The following WDR17 variants were observed in gnomAD, a reference collection of about 807,000 sequenced individuals.
WDR17 encodes WD repeat-containing protein 17.
WDR17 carries 143 observed loss-of-function variants against 161.7 expected under a neutral mutation model. The observed-to-expected ratio is 0.88, with a 90% CI of 0.77 to 1.02. The LOEUF (loss-of-function observed/expected upper bound fraction) is 1.02, where lower values mean the gene tolerates loss of function less well. Among genes scored for constraint, WDR17 ranks in the 50% least tolerant of loss-of-function variants. The pLI is 0.00. For missense variants in WDR17, 1,469 were observed against 1,520.9 expected, an observed-to-expected ratio of 0.97 and a Z score of 0.57; for synonymous variants, 517 against 515.6, an observed-to-expected ratio of 1.00 and a Z score of -0.04.
At chr4:176,170,086 G>A (rs1579256562) in intron 23 of WDR17, among the ~76,000 whole-genome samples, 1 of 152,052 alleles carries the variant, frequency 6.6e-6, no homozygotes, top group South Asian at 2.1e-4. Context: ...AGGCTAAATG[G>A]CTTGTCTAAG....
rs142357072 is a variant in WDR17, at chr4:176,158,648, G to A, written c.2526-1346G>A. Reference sequence around the variant, plus strand: ...CACATGGAGGTTATTGTTGATCTTAGTAAGAGCTGTTTTGGTAGAAAGAAG... The same window carrying A: ...CACATGGAGGTTATTGTTGATCTTAATAAGAGCTGTTTTGGTAGAAAGAAG... On this transcript the variant is annotated intron_variant, in intron 18 of 28. Coordinates refer to ENST00000508596, the MANE Select transcript of WDR17 (RefSeq NM_181265.4). Among the ~76,000 whole-genome samples, 602 of 152,286 alleles carry A rather than the reference G, an allele frequency of 4.0e-3. 4 individuals carry two copies. The highest frequency in any genetic ancestry group is 0.014 in the African/African-American group (570 of 41,570).
rs1356677451 is a variant in WDR17, at chr4:176,182,182, C to G, written c.*2603C>G. ...AAATTACTTTGCAGGTTTAAATATG[C>G]CTCTGTAAAGGAAGAGTCTCATTAG... On this transcript the variant is annotated 3_prime_UTR_variant, in exon 29 of 29. Transcript: ENST00000508596. This position sits in a 1 kb window ranked among gnomAD's most constrained non-coding sequence, Gnocchi z 4.2. 1 of 151,772 alleles carries G rather than the reference C, an allele frequency of 6.6e-6. No individual in the cohort carries two copies. Among genetic ancestry groups the G allele is most frequent in the East Asian group, 1.9e-4 (1 of 5,196 alleles). 9.4% of individuals were successfully genotyped at this position (151,772 alleles called of 1,614,324 possible).
chr4:176,150,385 T>C, intron 15 of WDR17, 83 bp from the exon 16 acceptor site: 1 of 1,513,552 alleles, frequency 6.6e-7, no homozygotes, highest in African/African-American at 1.4e-5. Flanking sequence ...TAGATATGCC[T>C]GCATTATAAT....
In WDR17 at chr4:176,156,161, C is replaced by T. The variant is rs182962335; in HGVS notation, c.2525+18C>T. 2.4e-5 allele frequency: 39 copies of T among 1,605,160 alleles called. No homozygotes were observed. Among genetic ancestry groups the T allele is most frequent in the Admixed American group, 2.4e-4 (14 of 58,638 alleles). On this transcript the variant is annotated intron_variant, in intron 18 of 28. Coordinates refer to ENST00000508596, the MANE Select transcript of WDR17 (RefSeq NM_181265.4). ...ATGCAGAGGTAAGGCAGAGAGAGTCCGTGTTAAAACAGATGTTTTAAAATC... is the reference window on the plus strand; with the variant it reads ...ATGCAGAGGTAAGGCAGAGAGAGTCTGTGTTAAAACAGATGTTTTAAAATC...
At chr4:176,124,616 A>T (rs954820204) in intron 4 of WDR17, among the ~76,000 whole-genome samples, 7 of 152,202 alleles carry the variant, frequency 4.6e-5, no homozygotes, top group Non-Finnish European at 8.8e-5. Flanking sequence ...AAACCACAAG[A>T]CTGAGGCACA....
chr4:176,172,738 T>C (rs1750912749), intron 24 of WDR17, among the ~76,000 whole-genome samples: 2 of 152,248 alleles, frequency 1.3e-5, no homozygotes, highest in Non-Finnish European at 1.5e-5. Context: ...CAGGAAACTT[T>C]TAGTCATGGC....
rs772564296 is a variant in WDR17, at chr4:176,139,986, G to A, written c.1442+12G>A. 4.4e-6 allele frequency: 7 copies of A among 1,587,568 alleles called. No individual in the cohort carries two copies. Among genetic ancestry groups the A allele is most frequent in the Non-Finnish European group, 5.2e-6 (6 of 1,161,124 alleles). On this transcript the variant is annotated intron_variant, in intron 10 of 28. Transcript: ENST00000508596. ...AGTGATGGTTTCTGGTAAGTACTAT[G>A]TATGATACATGATATGAAATTACAC...
At chr4:176,103,346 CAG>C (rs1317919140) in intron 1 of WDR17, among the ~76,000 whole-genome samples, 3 of 151,850 alleles carry the variant, frequency 2.0e-5, no homozygotes, top group Non-Finnish European at 1.5e-5. Flanking sequence ...CTCTGATTTC[CAG>C]AGTTACCATA....
intron 4 of WDR17, among the ~76,000 whole-genome samples, chr4:176,123,613 A>C (rs1741947237): frequency 6.6e-6 from 1 of 152,180 alleles, no homozygotes; most frequent in Non-Finnish European, 1.5e-5. Context: ...CAAGGATACA[A>C]ATGAAAAGAT....
At chr4:176,165,168 C>CA (rs199827209) in intron 22 of WDR17, among the ~76,000 whole-genome samples, 43,111 of 116,456 alleles carry the variant, frequency 0.37, 7,261 homozygotes, top group East Asian at 0.43. Flanking sequence ...CTCTAAAATA[C>CA]AAAAAAAAAA....
intron 1 of WDR17, 47 bp from the exon 2 acceptor site, chr4:176,111,528 T>A (rs1739738625): frequency 1.3e-6 from 2 of 1,578,558 alleles, no homozygotes; most frequent in African/African-American, 2.7e-5. Context: ...TGAGGAAGTT[T>A]ATCAATAATG....
chr4:176,152,293 T>C (rs1747266234), intron 17 of WDR17, among the ~76,000 whole-genome samples: 4 of 14,756 alleles, frequency 2.7e-4, no homozygotes, highest in Admixed American at 7.5e-4. Context: ...AGACCCTATC[T>C]CAAAAAAAAA....
At chr4:176,165,362 T>C (rs1041974630) in intron 22 of WDR17, among the ~76,000 whole-genome samples, 15 of 151,820 alleles carry the variant, frequency 9.9e-5, no homozygotes, top group Non-Finnish European at 2.1e-4. Flanking sequence ...AGAGTGAAAC[T>C]TCGTCTCAAG....
At chr4:176,068,335 C>T (rs1732780595) in intron 1 of WDR17, 1 of 150,876 alleles carries the variant, frequency 6.6e-6, no homozygotes, top group Admixed American at 6.6e-5. Context: ...TGCGGTGGCT[C>T]ATACCTGTAA....
intron 11 of WDR17, among the ~76,000 whole-genome samples, chr4:176,145,751 A>G (rs940391451): frequency 6.6e-6 from 1 of 152,220 alleles, no homozygotes; most frequent in Admixed American, 6.5e-5. Context: ...CTGACCTAAA[A>G]TAAATAAAAT....
rs542138175 is a variant in WDR17, at chr4:176,154,481, C to CAAAAGAAA, written c.2461-1586_2461-1579dup. Among the ~76,000 whole-genome samples, 1,089 of 151,396 alleles carry CAAAAGAAA rather than the reference C, an allele frequency of 7.2e-3. 15 individuals are homozygous for CAAAAGAAA. The highest frequency in any genetic ancestry group is 0.025 in the African/African-American group (1,024 of 41,276). ...GGGTGACAAGAGTGAAACTCCATCT[C>CAAAAGAAA]AAAAGAAAAAAAGAAAAAAGAAATA... On this transcript the variant is annotated intron_variant, in intron 17 of 28. Coordinates refer to ENST00000508596, the MANE Select transcript of WDR17 (RefSeq NM_181265.4).
At chr4:176,171,402 G>A (rs763234523) in intron 23 of WDR17, among the ~76,000 whole-genome samples, 3 of 152,190 alleles carry the variant, frequency 2.0e-5, no homozygotes, top group Non-Finnish European at 4.4e-5. Flanking sequence ...TATAGTAGTT[G>A]CTTTGTAAAT....
At chr4:176,092,699 A>G (rs1736281467) in intron 1 of WDR17, among the ~76,000 whole-genome samples, 1 of 152,198 alleles carries the variant, frequency 6.6e-6, no homozygotes, top group African/African-American at 2.4e-5. Flanking sequence ...TGCAAAATCA[A>G]CATACAAAAA....
chr4:176,068,540 T>A (rs1732809739), intron 1 of WDR17, among the ~76,000 whole-genome samples: 1 of 152,084 alleles, frequency 6.6e-6, no homozygotes. Flanking sequence ...GCCCGGAGGT[T>A]GCAGTGAGCC....
Sources: gnomAD v4.1 joint callset for allele counts (sites outside exome capture counted in the v4.1 genomes callset) on GRCh38, gnomAD v4.1.1 for gene constraint, Gnocchi (gnomAD v3.1) non-coding constraint, MANE v1.5 for transcripts, NCBI Gene and HGNC (gene_info 2026-07-23, HGNC 2026-07-21) for gene names.